MPP7: variants seen among roughly 807,000 people sequenced by gnomAD.
MPP7 encodes MAGUK p55 scaffold protein 7, also known as MAGUK p55 subfamily member 7.
A neutral mutation model predicts 76.5 loss-of-function variants in MPP7; 60 were observed. That is an observed-to-expected ratio of 0.78 (90% CI 0.64 to 0.97). The LOEUF is 0.97. Ranked by LOEUF, MPP7 falls within the 50% of genes least tolerant of loss-of-function variation. The probability of loss-of-function intolerance (pLI) is 0.00; values close to 1 mark genes in which losing one functional copy is unlikely to be tolerated. For missense variants in MPP7, 641 were observed against 694.0 expected (o/e 0.92, Z 0.86); for synonymous variants, 237 against 244.5 (o/e 0.97, Z 0.29).
intron 3 of MPP7, among the ~76,000 whole-genome samples, chr10:28,184,278 G>A (rs1837154786): frequency 6.8e-6 from 1 of 146,380 alleles, no homozygotes; most frequent in Admixed American, 6.8e-5. Context: ...ATCATGTTAA[G>A]ATATATATCT....
intron 2 of MPP7, among the ~76,000 whole-genome samples, chr10:28,237,597 G>A (rs545493141): frequency 6.6e-6 from 1 of 152,234 alleles, no homozygotes; most frequent in South Asian, 2.1e-4. Flanking sequence ...CATAATACAA[G>A]ATAAAACTGA....
intron 11 of MPP7, among the ~76,000 whole-genome samples, chr10:28,097,052 C>T (rs913231226): frequency 2.0e-5 from 3 of 151,976 alleles, no homozygotes; most frequent in Non-Finnish European, 2.9e-5. Context: ...TAAAGTGGTG[C>T]GATCACGGCT....
intron 2 of MPP7, among the ~76,000 whole-genome samples, chr10:28,327,331 C>A (rs894918465): frequency 2.0e-5 from 3 of 149,146 alleles, no homozygotes; most frequent in Non-Finnish European, 3.0e-5. Context: ...TAGCTCGTTT[C>A]AAATTCATTG....
intron 11 of MPP7, among the ~76,000 whole-genome samples, chr10:28,105,713 G>A (rs1312909196): frequency 6.6e-6 from 1 of 152,082 alleles, no homozygotes; most frequent in Non-Finnish European, 1.5e-5. Context: ...TCGTCACATT[G>A]GCCAGGCTGG....
chr10:28,257,278 T>C (rs1483515428), intron 1 of MPP7, among the ~76,000 whole-genome samples: 1 of 152,150 alleles, frequency 6.6e-6, no homozygotes, highest in Non-Finnish European at 1.5e-5. Context: ...AGGTCTGAGC[T>C]TGGTGAAACC....
chr10:28,208,934 T>C (rs951431593), intron 2 of MPP7, among the ~76,000 whole-genome samples: 3 of 127,060 alleles, frequency 2.4e-5, no homozygotes, highest in Non-Finnish European at 5.6e-5. Context: ...GGATCCCTCA[T>C]GGCTTGAAGC....
In MPP7 at chr10:28,196,886, A is replaced by C. The variant is rs577521066; in HGVS notation, c.156+5267T>G. On this transcript the variant is annotated intron_variant, in intron 3 of 16. Transcript: ENST00000683449. ...TGTTTACCTCTAAAAGAAAAACCTG[A>C]TATCTTCACTGTTCTTGAAACCTTT... 2.0e-5 allele frequency among the ~76,000 whole-genome samples: 3 copies of C among 152,248 alleles called. No homozygotes were observed. The East Asian group carries it at 5.8e-4, about 29-fold the overall frequency.
intron 12 of MPP7, among the ~76,000 whole-genome samples, chr10:28,074,785 C>T (rs1030767946): frequency 1.2e-4 from 18 of 152,170 alleles, no homozygotes; most frequent in African/African-American, 4.1e-4. Context: ...ACTCTAAATT[C>T]TTCTCCAGCC....
Position 28,179,416 on chromosome 10 carries a change from T to C in MPP7, c.156+22737A>G, listed in dbSNP as rs141573502. 2.0e-4 allele frequency among the ~76,000 whole-genome samples: 31 copies of C among 152,290 alleles called. No homozygotes were observed. In the East Asian group the frequency reaches 5.6e-3, roughly 27 times the overall value. Reference sequence around the variant, plus strand: ...AGACCACCGTGTCTGTTTTTCACCATTGCATCCCCATCATCTAACACAATC... The same window carrying C: ...AGACCACCGTGTCTGTTTTTCACCACTGCATCCCCATCATCTAACACAATC... On this transcript the variant is annotated intron_variant, in intron 3 of 16. Coordinates refer to ENST00000683449, the MANE Select transcript of MPP7 (RefSeq NM_001318170.2).
chr10:28,134,606 A>T (rs2133695117), intron 5 of MPP7, among the ~76,000 whole-genome samples: 1 of 152,298 alleles, frequency 6.6e-6, no homozygotes, highest in East Asian at 1.9e-4. Flanking sequence ...TCAAGATGAT[A>T]AAATACCTGA....
intron 2 of MPP7, chr10:28,203,304 A>G (rs1837840674): frequency 6.6e-6 from 1 of 152,172 alleles, no homozygotes; most frequent in South Asian, 2.1e-4. Flanking sequence ...CTAGCAAAGA[A>G]TAGTAAATTA....
intron 13 of MPP7, among the ~76,000 whole-genome samples, chr10:28,065,627 GGAGCCC>G (rs1315898146): frequency 6.6e-6 from 1 of 152,128 alleles, no homozygotes; most frequent in Admixed American, 6.6e-5. Flanking sequence ...AAACAAAATA[GGAGCCC>G]TCTTCCCATG....
chr10:28,248,222 T>C (rs865828368), intron 1 of MPP7, among the ~76,000 whole-genome samples: 10 of 152,246 alleles, frequency 6.6e-5, no homozygotes, highest in Middle Eastern at 6.8e-3. Flanking sequence ...TGAATCTATC[T>C]GATTAGGAGA....
At chr10:28,093,062 A>C (rs1012642375) in intron 11 of MPP7, among the ~76,000 whole-genome samples, 1 of 152,136 alleles carries the variant, frequency 6.6e-6, no homozygotes, top group Admixed American at 6.5e-5. Context: ...ACTGTAGCCC[A>C]GTATTAGCAC....
chr10:28,329,403 C>T (rs916122976), intron 2 of MPP7, among the ~76,000 whole-genome samples: 6 of 151,912 alleles, frequency 3.9e-5, no homozygotes, highest in East Asian at 1.9e-4. Flanking sequence ...CCGAGGCAGG[C>T]GGATCACGAG....
At chr10:28,141,200 TA>T (rs766869520) in intron 5 of MPP7, among the ~76,000 whole-genome samples, 6 of 152,100 alleles carry the variant, frequency 3.9e-5, no homozygotes, top group African/African-American at 9.7e-5. Context: ...AATTCTGATT[TA>T]TTTTTTTTAA....
intron 1 of MPP7, among the ~76,000 whole-genome samples, chr10:28,257,669 G>A (rs946497410): frequency 6.7e-6 from 1 of 149,846 alleles, no homozygotes; most frequent in Non-Finnish European, 1.5e-5. Context: ...TGGGTGCAGC[G>A]CACCAGCATG....
chr10:28,188,634 T>C (rs551463816), intron 3 of MPP7, among the ~76,000 whole-genome samples: 40 of 152,294 alleles, frequency 2.6e-4, no homozygotes, highest in African/African-American at 9.4e-4. Flanking sequence ...TTTACCTTAG[T>C]TGAATTTGTA....
At chr10:28,270,192 G>T (rs1000535878) in intron 1 of MPP7, among the ~76,000 whole-genome samples, 3 of 152,182 alleles carry the variant, frequency 2.0e-5, no homozygotes, top group Admixed American at 6.5e-5. Context: ...CTTACGGAAC[G>T]GGAAGATTTT....
Sources: allele counts gnomAD v4.1 joint callset (sites outside exome capture counted in the v4.1 genomes callset), GRCh38; gene constraint gnomAD v4.1.1; transcripts MANE v1.5; gene names NCBI Gene and HGNC (gene_info 2026-07-23, HGNC 2026-07-21).